Variants in CACNA2D3 observed in about 807,000 individuals in gnomAD.
The protein encoded by CACNA2D3 is calcium voltage-gated channel auxiliary subunit alpha2delta 3.
CACNA2D3 carries 60 observed loss-of-function variants against 160.6 expected under a neutral mutation model. The ratio of observed to expected loss-of-function variants is 0.37; its 90% CI spans 0.30 to 0.46. CACNA2D3 has a LOEUF of 0.46. Among genes scored for constraint, CACNA2D3 ranks in the 20% least tolerant of loss-of-function variants. CACNA2D3 has a pLI of 1.00. For synonymous variants in CACNA2D3, 558 were observed against 492.9 expected (o/e 1.13, Z -1.75); for missense variants, 1,205 against 1,365.0 (o/e 0.88, Z 1.85).
chr3:54,474,496 G>C (rs1575477225), intron 4 of CACNA2D3, among the ~76,000 whole-genome samples: 1 of 152,032 alleles, frequency 6.6e-6, no homozygotes, highest in East Asian at 1.9e-4. Context: ...GTGTGTACCT[G>C]TGTAACAAAC....
At chr3:54,867,953 G>T (rs961220445) in intron 17 of CACNA2D3, among the ~76,000 whole-genome samples, 3 of 150,970 alleles carry the variant, frequency 2.0e-5, no homozygotes, top group Admixed American at 6.6e-5. Flanking sequence ...TGCTTAATGG[G>T]AGTGGTGCCC....
intron 4 of CACNA2D3, among the ~76,000 whole-genome samples, chr3:54,432,181 A>G (rs2106775617): frequency 6.6e-6 from 1 of 152,332 alleles, no homozygotes; most frequent in Non-Finnish European, 1.5e-5. Flanking sequence ...GTTCATAGAT[A>G]TACATCTAAA....
In CACNA2D3 at chr3:54,816,900, C is replaced by G. The variant is rs763125699; in HGVS notation, c.1398+30C>G. 13 of 1,612,206 alleles carry G rather than the reference C, an allele frequency of 8.1e-6. No homozygotes were observed. In the African/African-American group the frequency reaches 1.7e-4, roughly 22 times the overall value. ...ATTCTCTTCTGTCACATTCCAGTCA[C>G]CCCCAGAACTCACGAGTCATGCATG... is the stretch of plus-strand genomic sequence containing the variant. On this transcript the variant is annotated intron_variant, in intron 14 of 37. Transcript: ENST00000474759.
intron 4 of CACNA2D3, among the ~76,000 whole-genome samples, chr3:54,413,290 T>C (rs1699699221): frequency 6.6e-6 from 1 of 151,448 alleles, no homozygotes; most frequent in South Asian, 2.1e-4. Context: ...TGTTCTCCTG[T>C]ATTCAGTGAG....
chr3:54,821,933 G>A (rs537791847), intron 14 of CACNA2D3, among the ~76,000 whole-genome samples: 8 of 152,104 alleles, frequency 5.3e-5, no homozygotes, highest in Non-Finnish European at 8.8e-5. Context: ...CAAAGCTGCT[G>A]TTTTTGTAGA....
chr3:54,950,060 G>A (rs561226834), intron 27 of CACNA2D3, among the ~76,000 whole-genome samples: 3 of 152,288 alleles, frequency 2.0e-5, no homozygotes, highest in East Asian at 3.9e-4. Flanking sequence ...GCATTTCAGG[G>A]CCATGCTAAG....
chr3:54,280,605 A>G (rs1276416149), intron 2 of CACNA2D3, among the ~76,000 whole-genome samples: 2 of 152,264 alleles, frequency 1.3e-5, no homozygotes, highest in South Asian at 2.1e-4. Context: ...ATGAAAGCCT[A>G]GACTTGATTC....
intron 4 of CACNA2D3, among the ~76,000 whole-genome samples, chr3:54,420,058 A>G (rs1699814309): frequency 6.7e-6 from 1 of 150,308 alleles, no homozygotes; most frequent in Admixed American, 6.6e-5. Flanking sequence ...GAGCTACTGC[A>G]CCCGGCCTAT....
chr3:54,354,734 G>A (rs1698620140), intron 3 of CACNA2D3, among the ~76,000 whole-genome samples: 2 of 152,216 alleles, frequency 1.3e-5, no homozygotes, highest in African/African-American at 2.4e-5. Flanking sequence ...GACCACGTCT[G>A]CTGGACCCCT....
intron 32 of CACNA2D3, among the ~76,000 whole-genome samples, chr3:55,006,307 C>T (rs189428346): frequency 1.3e-5 from 2 of 152,258 alleles, no homozygotes; most frequent in East Asian, 3.9e-4. Flanking sequence ...GAGTGCCTTC[C>T]CCTGGCCTCA....
chr3:54,894,344 C>A (rs1014226547), intron 25 of CACNA2D3, among the ~76,000 whole-genome samples: 3 of 152,166 alleles, frequency 2.0e-5, no homozygotes, highest in African/African-American at 7.2e-5. Context: ...TAATGGGGAT[C>A]AAGTGCTGCA....
chr3:54,306,009 G>A (rs1452749736), intron 2 of CACNA2D3, among the ~76,000 whole-genome samples: 2 of 152,070 alleles, frequency 1.3e-5, no homozygotes, highest in Non-Finnish European at 2.9e-5. Context: ...AGAAACACCT[G>A]TGTTTCTGCT....
At chr3:54,871,166 A>G (rs1235000041) in intron 17 of CACNA2D3, among the ~76,000 whole-genome samples, 5 of 146,382 alleles carry the variant, frequency 3.4e-5, no homozygotes, top group African/African-American at 1.3e-4. Flanking sequence ...GTTTACATGT[A>G]TACCATATAG....
At chr3:54,809,851 A>G (rs1359426675) in intron 13 of CACNA2D3, among the ~76,000 whole-genome samples, 1 of 152,022 alleles carries the variant, frequency 6.6e-6, no homozygotes, top group Non-Finnish European at 1.5e-5. Context: ...AGGCATAGGT[A>G]TAGTCCCTAG....
intron 24 of CACNA2D3, among the ~76,000 whole-genome samples, chr3:54,889,915 A>G (rs900444760): frequency 6.6e-6 from 1 of 152,184 alleles, no homozygotes; most frequent in African/African-American, 2.4e-5. Context: ...AGATTTCCAA[A>G]ATGGTAACTT....
At chr3:54,134,894 G>A (rs994852830) in intron 2 of CACNA2D3, among the ~76,000 whole-genome samples, 4 of 152,248 alleles carry the variant, frequency 2.6e-5, no homozygotes, top group South Asian at 4.1e-4. Flanking sequence ...CAGCTGCTGC[G>A]GGAGCACCGC....
chr3:54,990,534 CAAAA>C (rs776672926), intron 31 of CACNA2D3, among the ~76,000 whole-genome samples: 84 of 151,360 alleles, frequency 5.5e-4, no homozygotes, highest in Non-Finnish European at 1.5e-4. Flanking sequence ...CCATCTCAAA[CAAAA>C]AAAAGAAAGA....
chr3:54,984,458 C>T, intron 29 of CACNA2D3, 150 bp from the exon 30 acceptor site: 1 of 628,490 alleles, frequency 1.6e-6, no homozygotes. Context: ...AAGCCTAGAA[C>T]CAGCAGGCTT....
intron 5 of CACNA2D3, among the ~76,000 whole-genome samples, chr3:54,532,184 G>A (rs779156866): frequency 3.3e-5 from 5 of 152,208 alleles, no homozygotes; most frequent in Non-Finnish European, 5.9e-5. Context: ...GAAGACATAA[G>A]AAACTCCATT....
Sources: gnomAD v4.1 joint callset for allele counts (sites outside exome capture counted in the v4.1 genomes callset) on GRCh38, gnomAD v4.1.1 for gene constraint, MANE v1.5 for transcripts, NCBI Gene and HGNC (gene_info 2026-07-23, HGNC 2026-07-21) for gene names.